RYR3: variants seen among roughly 807,000 people sequenced by gnomAD.
RYR3 encodes ryanodine receptor 3.
In RYR3, 207 loss-of-function variants were observed where a neutral mutation model predicts 584.3. The observed-to-expected ratio is 0.35, with a 90% CI of 0.32 to 0.40. The LOEUF (loss-of-function observed/expected upper bound fraction) is 0.40. Among genes scored for constraint, RYR3 ranks in the 10% least tolerant of loss-of-function variants. RYR3 has a pLI of 1.00. For synonymous variants in RYR3, 2,416 were observed against 2,248.5 expected, an observed-to-expected ratio of 1.07 and a Z score of -2.11; for missense variants, 5,616 against 6,089.2, an observed-to-expected ratio of 0.92 and a Z score of 2.59.
intron 58 of RYR3, among the ~76,000 whole-genome samples, chr15:33,755,464 CA>C: frequency 6.6e-6 from 1 of 151,828 alleles, no homozygotes; most frequent in East Asian, 1.9e-4. Context: ...GCTAAAAATA[CA>C]AAAAAAATTA....
At chr15:33,457,356 T>C (rs2047648337) in intron 1 of RYR3, among the ~76,000 whole-genome samples, 1 of 152,188 alleles carries the variant, frequency 6.6e-6, no homozygotes, top group African/African-American at 2.4e-5. Context: ...TGTCTGTCAG[T>C]GGATGAATAG....
chr15:33,734,970 C>T (rs546594928), intron 48 of RYR3, among the ~76,000 whole-genome samples: 1 of 152,188 alleles, frequency 6.6e-6, no homozygotes, highest in Admixed American at 6.5e-5. Context: ...AGATTACAGG[C>T]GTGAGCCACC....
intron 1 of RYR3, among the ~76,000 whole-genome samples, chr15:33,341,098 G>T (rs1971757197): frequency 6.6e-6 from 1 of 152,070 alleles, no homozygotes; most frequent in Non-Finnish European, 1.5e-5. Context: ...GAGTGAAATG[G>T]TGTGATCTCA....
At chr15:33,341,267 G>C (rs569879202) in intron 1 of RYR3, among the ~76,000 whole-genome samples, 63 of 152,102 alleles carry the variant, frequency 4.1e-4, no homozygotes, top group Admixed American at 1.6e-3. Context: ...TCGAACCTCT[G>C]ACCTCAAGTG....
intron 1 of RYR3, among the ~76,000 whole-genome samples, chr15:33,425,234 T>C (rs1420748940): frequency 6.6e-6 from 1 of 152,216 alleles, no homozygotes; most frequent in African/African-American, 2.4e-5. Flanking sequence ...TTGCATAAGA[T>C]GTTTCTGTTA....
intron 12 of RYR3, among the ~76,000 whole-genome samples, chr15:33,571,254 TC>T (rs1361671478): frequency 6.6e-6 from 1 of 152,212 alleles, no homozygotes; most frequent in Non-Finnish European, 1.5e-5. Context: ...TCGAGGAAGT[TC>T]CCTTCTATTC....
intron 1 of RYR3, among the ~76,000 whole-genome samples, chr15:33,321,984 C>T (rs1018615598): frequency 6.6e-6 from 1 of 152,112 alleles, no homozygotes; most frequent in African/African-American, 2.4e-5. Flanking sequence ...CAGAGCAAGG[C>T]TCTATTTTAT....
chr15:33,738,586 A>G lies in RYR3; in HGVS notation c.7652A>G (p.His2551Arg), dbSNP rs1282743371. ...TGGGGGATTTTTGACTCGCTCTCCC[A>G]TAAGGTAATGACAGTACTTTCTGAA... ...LFWGIFDSLS[H>R]KKYDPDLFRM... Residue 2551 changes from histidine (H) to arginine (R), a missense_variant, in exon 50 of 104, where the codon CAT becomes CGT. This residue lies in a region of RYR3 where 1,280 missense variants were observed against 1,426.2 expected (regional missense o/e 0.90). Coordinates refer to ENST00000634891, the MANE Select transcript of RYR3 (RefSeq NM_001036.6). The G allele has an allele frequency of 1.9e-6, 3 of 1,613,970 alleles. No individual in the cohort carries two copies. Among genetic ancestry groups the G allele is most frequent in the Admixed American group, 1.7e-5 (1 of 60,016 alleles).
In RYR3 at chr15:33,760,779, C is replaced by A. The variant is rs111584328; in HGVS notation, c.8705+3183C>A. On this transcript the variant is annotated intron_variant, in intron 60 of 103. Transcript: ENST00000634891. ...TAGACATCTACAGAACTCTCCACCC[C>A]AAATCAACAGAATATACATTCTTCT... 9.8e-3 allele frequency among the ~76,000 whole-genome samples: 1,492 copies of A among 152,276 alleles called. 28 individuals are homozygous for A. Among genetic ancestry groups the A allele is most frequent in the African/African-American group, 0.034 (1,419 of 41,562 alleles).
At chr15:33,770,538 G>A (rs1322627531) in intron 62 of RYR3, among the ~76,000 whole-genome samples, 1 of 151,982 alleles carries the variant, frequency 6.6e-6, no homozygotes, top group East Asian at 1.9e-4. Flanking sequence ...GATTGCTTGA[G>A]GCCAGGAGTT....
At chr15:33,433,951 T>G (rs2045433596) in intron 1 of RYR3, among the ~76,000 whole-genome samples, 1 of 152,182 alleles carries the variant, frequency 6.6e-6, no homozygotes, top group Admixed American at 6.5e-5. Flanking sequence ...TCTTTTTGTG[T>G]CTCCTCCAGC....
At position 33,614,237 on chromosome 15, in the gene RYR3, C is replaced by T. The variant is rs190687906; in HGVS notation, c.2357+862C>T. Among the ~76,000 whole-genome samples, 37 of 152,214 alleles carry T rather than the reference C, an allele frequency of 2.4e-4. No individual in the cohort carries two copies. The East Asian group carries it at 7.1e-3, about 29-fold the overall frequency. ...GGCTTGTGAATATTTATATGTTTAA[C>T]TGCAGAGATATTAATGTGTCTGATT... On this transcript the variant is annotated intron_variant, in intron 19 of 103. Coordinates refer to ENST00000634891, the MANE Select transcript of RYR3 (RefSeq NM_001036.6).
rs146064818 is a variant in RYR3 at position 33,500,079 on chromosome 15, T to C, written c.172-3552T>C. 2.7e-4 allele frequency among the ~76,000 whole-genome samples: 41 copies of C among 152,310 alleles called. No individual in the cohort carries two copies. The East Asian group carries it at 7.3e-3, about 27-fold the overall frequency. On this transcript the variant is annotated intron_variant, in intron 2 of 103. Coordinates refer to ENST00000634891, the MANE Select transcript of RYR3 (RefSeq NM_001036.6). ...CAGGATCTGTTCAAGAAGACTTGAG[T>C]TGGGTGCTTACTATTCTATGTACTT...
intron 18 of RYR3, among the ~76,000 whole-genome samples, chr15:33,603,872 A>G (rs974250793): frequency 6.6e-6 from 1 of 152,222 alleles, no homozygotes; most frequent in African/African-American, 2.4e-5. Flanking sequence ...TCATAATACA[A>G]TTTATAAAAT....
intron 1 of RYR3, among the ~76,000 whole-genome samples, chr15:33,470,457 C>T (rs2048840197): frequency 2.1e-5 from 3 of 143,848 alleles, no homozygotes; most frequent in Admixed American, 2.0e-4. Context: ...GTGTTATTTT[C>T]TCTATCAAAA....
At chr15:33,464,494 A>ATG (rs2048321062) in intron 1 of RYR3, among the ~76,000 whole-genome samples, 1 of 43,800 alleles carries the variant, frequency 2.3e-5, no homozygotes. Flanking sequence ...ATATATACAC[A>ATG]TATATATATA....
rs142999159 is a variant in RYR3, at chr15:33,508,012, A to G, written c.279+4274A>G. On this transcript the variant is annotated intron_variant, in intron 3 of 103. Coordinates refer to ENST00000634891, the MANE Select transcript of RYR3 (RefSeq NM_001036.6). ...AGGAAGGAGAGTCCTGTGCTACACA[A>G]CTAGGTGCATGTTAAACTTAACTCC... 7.4e-3 allele frequency among the ~76,000 whole-genome samples: 1,122 copies of G among 152,276 alleles called. 13 individuals carry two copies. The highest frequency in any genetic ancestry group is 0.026 in the African/African-American group (1,069 of 41,544).
At chr15:33,863,116 T>C (rs924352474) in intron 102 of RYR3, among the ~76,000 whole-genome samples, 6 of 152,124 alleles carry the variant, frequency 3.9e-5, no homozygotes, top group Non-Finnish European at 8.8e-5. Context: ...CATGGCACTG[T>C]TACACTGGTC....
At chr15:33,392,500 G>A (rs1416527977) in intron 1 of RYR3, among the ~76,000 whole-genome samples, 1 of 151,920 alleles carries the variant, frequency 6.6e-6, no homozygotes, top group East Asian at 2.0e-4. Context: ...CCTTCTTCAG[G>A]CCTCTGAGAG....
Sources: gnomAD v4.1 joint callset for allele counts (sites outside exome capture counted in the v4.1 genomes callset) on GRCh38, gnomAD v4.1.1 for gene constraint, gnomAD v4.1.1 regional missense constraint, MANE v1.5 for transcripts, NCBI Gene and HGNC (gene_info 2026-07-23, HGNC 2026-07-21) for gene names.